Variants in UBAP2 observed in about 807,000 individuals in gnomAD.
UBAP2 encodes the protein ubiquitin-associated protein 2.
Under a neutral mutation model 139.6 loss-of-function variants are expected in UBAP2, and 75 were observed. That is an observed-to-expected ratio of 0.54 (90% CI 0.45 to 0.65). The LOEUF is 0.65. UBAP2 is among the 30% of genes least tolerant of loss of function. The pLI is 0.00. For missense variants in UBAP2, 1,368 were observed against 1,369.6 expected (o/e 1.00, Z 0.02); for synonymous variants, 526 against 526.2 (o/e 1.00, Z 0.01).
intron 11 of UBAP2, 89 bp downstream of exon 11, chr9:33,955,990 A>G: frequency 9.8e-7 from 1 of 1,025,502 alleles, no homozygotes; most frequent in African/African-American, 1.6e-5. Flanking sequence ...AAAAATAGAA[A>G]GAGACCCAAA....
intron 1 of UBAP2, among the ~76,000 whole-genome samples, chr9:34,039,096 C>T (rs1826774821): frequency 6.6e-6 from 1 of 152,100 alleles, no homozygotes; most frequent in South Asian, 2.1e-4. Context: ...GCCACCCCGT[C>T]TGGGAAGTGA....
chr9:33,986,691 T>A, intron 6 of UBAP2, 69 bp downstream of exon 6: 1 of 1,289,548 alleles, frequency 7.8e-7, no homozygotes, highest in East Asian at 2.3e-5. Context: ...CTAGTCACAG[T>A]CCAGCAACGC....
intron 16 of UBAP2, among the ~76,000 whole-genome samples, chr9:33,939,206 T>TTTTTTTTTTTTTTTC (rs575154458): frequency 7.2e-6 from 1 of 138,316 alleles, no homozygotes; most frequent in Non-Finnish European, 1.6e-5. Context: ...TTTTTTTTTT[T>TTTTTTTTTTTTTTTC]TTTTTGAGAT....
At chr9:34,002,446 C>T (rs535544163) in intron 2 of UBAP2, among the ~76,000 whole-genome samples, 1 of 146,408 alleles carries the variant, frequency 6.8e-6, no homozygotes, top group African/African-American at 2.5e-5. Flanking sequence ...GGCGCGATAT[C>T]GGCTCACTGC....
chr9:33,986,907 C>T (rs918342110), intron 5 of UBAP2, 70 bp from the exon 6 acceptor site: 99 of 1,317,072 alleles, frequency 7.5e-5, no homozygotes, highest in Middle Eastern at 5.5e-4. Context: ...TATCAAGCAC[C>T]TATTAAAGGC....
chr9:34,001,735 T>C (rs1822720262), intron 2 of UBAP2, among the ~76,000 whole-genome samples: 1 of 152,146 alleles, frequency 6.6e-6, no homozygotes, highest in Non-Finnish European at 1.5e-5. Flanking sequence ...CTGTTTTCCC[T>C]AACACTATTA....
chr9:33,959,111 G>C (rs1454682408), intron 10 of UBAP2, among the ~76,000 whole-genome samples: 2 of 151,516 alleles, frequency 1.3e-5, no homozygotes, highest in East Asian at 3.9e-4. Context: ...TCGTGCCTCT[G>C]CACTCCAGCC....
At chr9:34,041,691 G>A (rs1322258000) in intron 1 of UBAP2, among the ~76,000 whole-genome samples, 1 of 152,114 alleles carries the variant, frequency 6.6e-6, no homozygotes, top group Non-Finnish European at 1.5e-5. Context: ...GGGCAAAAGA[G>A]CAAGACTCCG....
intron 1 of UBAP2, among the ~76,000 whole-genome samples, chr9:34,028,671 C>T (rs1430192672): frequency 2.6e-5 from 4 of 151,942 alleles, no homozygotes; most frequent in Admixed American, 6.6e-5. Flanking sequence ...CGAGCCACTG[C>T]GACCAGCCTT....
chr9:34,016,284 GGAGGAGGAGGAA>G (rs1283255456), intron 2 of UBAP2, among the ~76,000 whole-genome samples: 1 of 15,806 alleles, frequency 6.3e-5, no homozygotes, highest in Non-Finnish European at 2.0e-4. Context: ...AGGAGGAAGA[GGAGGAGGAGGAA>G]GAGGAGGAAG....
chr9:34,022,113 C>T (rs959205015), intron 1 of UBAP2, among the ~76,000 whole-genome samples: 13 of 152,110 alleles, frequency 8.5e-5, no homozygotes, highest in African/African-American at 1.9e-4. Flanking sequence ...GGCATGGTGG[C>T]GCACCTCTGT....
chr9:33,943,112 C>T (rs530533314), intron 15 of UBAP2, among the ~76,000 whole-genome samples: 36 of 152,248 alleles, frequency 2.4e-4, no homozygotes, highest in African/African-American at 8.2e-4. Context: ...AAAAATGATA[C>T]ATTAAACATG....
rs1031131712 is a variant in UBAP2 at position 33,986,765 on chromosome 9, C to A, written c.515G>T (p.Gly172Val). 6 of 1,613,876 alleles carry A rather than the reference C, an allele frequency of 3.7e-6. No homozygotes were observed. The highest frequency in any genetic ancestry group is 5.1e-6 in the Non-Finnish European group (6 of 1,179,906). The change falls in exon 6 of 29, where the codon GGT becomes GTT. Residue 172 changes from glycine to valine, a missense_variant. Physicochemically the swap from Gly to Val is moderately radical, Grantham distance 109. Transcript: ENST00000379238. ...TCCCTCTTACTCTAGCTTACCTCTA[C>A]CCCGGGCTCGCTTGCCACGATCTGA... ...KPSDRGKRAR[G>V]RGFGRGRGRG...
chr9:34,010,431 A>T (rs1316296604), intron 2 of UBAP2, among the ~76,000 whole-genome samples: 5 of 48,478 alleles, frequency 1.0e-4, no homozygotes, highest in Admixed American at 3.2e-4. Context: ...GCCTCATAAA[A>T]AAAAAAAAAA....
chr9:33,968,827 G>A (rs1827673311), intron 8 of UBAP2, among the ~76,000 whole-genome samples: 1 of 152,050 alleles, frequency 6.6e-6, no homozygotes, highest in Non-Finnish European at 1.5e-5. Flanking sequence ...CTCATTTGTA[G>A]TCACTCACCA....
At chr9:34,014,809 C>T (rs1006664778) in intron 2 of UBAP2, among the ~76,000 whole-genome samples, 6 of 147,190 alleles carry the variant, frequency 4.1e-5, no homozygotes, top group African/African-American at 7.5e-5. Flanking sequence ...ATTAAGCAAA[C>T]TTTTTCCTAA....
intron 2 of UBAP2, among the ~76,000 whole-genome samples, chr9:34,016,779 A>G (rs956379765): frequency 2.6e-5 from 4 of 151,796 alleles, no homozygotes; most frequent in Admixed American, 6.6e-5. Context: ...GCTAGTCTCA[A>G]ACTCCTGACC....
intron 1 of UBAP2, among the ~76,000 whole-genome samples, chr9:34,022,771 A>T (rs954817379): frequency 1.3e-5 from 2 of 152,164 alleles, no homozygotes; most frequent in South Asian, 4.1e-4. Context: ...TTTTAAGAAA[A>T]GAATAAAACA....
chr9:33,945,402 G>C (rs1825580235), intron 13 of UBAP2, among the ~76,000 whole-genome samples: 1 of 152,068 alleles, frequency 6.6e-6, no homozygotes, highest in Admixed American at 6.6e-5. Context: ...GGGAGGCTGA[G>C]GCAGGCCCTA....
Sources: allele counts gnomAD v4.1 joint callset (sites outside exome capture counted in the v4.1 genomes callset), GRCh38; gene constraint gnomAD v4.1.1; transcripts MANE v1.5; gene names NCBI Gene and HGNC (gene_info 2026-07-23, HGNC 2026-07-21).